Variants in LIFR observed in about 807,000 individuals in gnomAD.
The protein encoded by LIFR is leukemia inhibitory factor receptor.
In LIFR, 84 loss-of-function variants were observed where a neutral mutation model predicts 122.2. That is an observed-to-expected ratio of 0.69 (90% CI 0.58 to 0.82). LIFR has a LOEUF of 0.82. Among genes scored for constraint, LIFR ranks in the 40% least tolerant of loss-of-function variants. LIFR has a pLI of 0.00. For synonymous variants in LIFR, 422 were observed against 434.7 expected, an observed-to-expected ratio of 0.97 and a Z score of 0.36; for missense variants, 1,294 against 1,311.6, an observed-to-expected ratio of 0.99 and a Z score of 0.21.
chr5:38,555,327 C>T (rs1748459593), intron 1 of LIFR, among the ~76,000 whole-genome samples: 1 of 152,192 alleles, frequency 6.6e-6, no homozygotes, highest in African/African-American at 2.4e-5. Context: ...AAGTAGCATT[C>T]GCGCTGAAAA....
chr5:38,512,362 T>C (rs886588312), intron 5 of LIFR, among the ~76,000 whole-genome samples: 3 of 151,954 alleles, frequency 2.0e-5, no homozygotes, highest in Admixed American at 6.6e-5. Flanking sequence ...ACACCTGTAA[T>C]TTACCCAGCA....
intron 1 of LIFR, among the ~76,000 whole-genome samples, chr5:38,549,145 T>C (rs1448197304): frequency 6.6e-6 from 1 of 151,786 alleles, no homozygotes; most frequent in African/African-American, 2.4e-5. Flanking sequence ...TCCAGGAAAG[T>C]AAAAAGAATA....
intron 4 of LIFR, among the ~76,000 whole-genome samples, chr5:38,524,531 T>A (rs1380567877): frequency 1.3e-5 from 2 of 152,132 alleles, no homozygotes; most frequent in South Asian, 2.1e-4. Flanking sequence ...ATCAAAGAAA[T>A]AAACGGTTGG....
At chr5:38,539,078 A>G (rs543534732) in intron 1 of LIFR, among the ~76,000 whole-genome samples, 229 of 152,108 alleles carry the variant, frequency 1.5e-3, no homozygotes, top group African/African-American at 5.1e-3. Context: ...CTCCTGCCTC[A>G]GCCTCCCGAG....
chr5:38,485,296 G>A lies in LIFR; in HGVS notation c.2498-428C>T, dbSNP rs1744223973. Among the ~76,000 whole-genome samples the A allele has an allele frequency of 3.9e-5, 6 of 152,250 alleles. No homozygotes were observed. In the South Asian group the frequency reaches 1.0e-3, roughly 26 times the overall value. ...CTCCGTTGAGAATCACTGCTTTATA[G>A]AACCATATCCTCATGGCTCTTTATA... is the stretch of plus-strand genomic sequence containing the variant. On this transcript the variant is annotated intron_variant, in intron 17 of 19. Coordinates refer to ENST00000453190, the MANE Select transcript of LIFR (RefSeq NM_001127671.2).
At position 38,474,969 on chromosome 5, in the gene LIFR, G is replaced by A. The variant is rs1445886069; in HGVS notation, c.*6626C>T. 1 of 165,234 alleles carries A rather than the reference G, an allele frequency of 6.1e-6. No individual in the cohort carries two copies. 10.2% of individuals were successfully genotyped at this position (165,234 alleles called of 1,614,324 possible). On this transcript the variant is annotated 3_prime_UTR_variant, in exon 20 of 20. Transcript: ENST00000453190. ...ATGCCCAAGTCTGTCAGTGTAAGAT[G>A]TAAGAAAATATATTTATTTTTTCCA...
intron 1 of LIFR, among the ~76,000 whole-genome samples, chr5:38,569,618 T>A (rs1749144284): frequency 1.3e-5 from 2 of 152,148 alleles, no homozygotes; most frequent in Non-Finnish European, 2.9e-5. Flanking sequence ...CCCCAGTCCG[T>A]GGAGACATTT....
intron 1 of LIFR, among the ~76,000 whole-genome samples, chr5:38,592,424 G>C (rs1749950368): frequency 6.6e-6 from 1 of 152,156 alleles, no homozygotes; most frequent in South Asian, 2.1e-4. Flanking sequence ...TTGGGAGCCT[G>C]AGGTGGGCAG....
intron 1 of LIFR, among the ~76,000 whole-genome samples, chr5:38,580,011 A>T (rs1749529909): frequency 6.6e-6 from 1 of 152,188 alleles, no homozygotes; most frequent in African/African-American, 2.4e-5. Context: ...CTATGTTTGG[A>T]ATTAGGCAAT....
intron 5 of LIFR, among the ~76,000 whole-genome samples, chr5:38,519,448 T>C (rs12054719): frequency 0.31 from 46,602 of 152,068 alleles, 7,435 homozygotes; most frequent in East Asian, 0.42. Flanking sequence ...ATGAGTATTA[T>C]CATTTCTGTG....
At chr5:38,493,925 G>A in intron 13 of LIFR, 140 bp from the exon 14 acceptor site, 1 of 717,930 alleles carries the variant, frequency 1.4e-6, no homozygotes, top group South Asian at 1.7e-5. Flanking sequence ...TAAACCTAGA[G>A]CAAAGATTAG....
intron 1 of LIFR, among the ~76,000 whole-genome samples, chr5:38,571,100 A>T (rs554696473): frequency 6.6e-6 from 1 of 152,312 alleles, no homozygotes; most frequent in African/African-American, 2.4e-5. Flanking sequence ...AAATTTAAGC[A>T]ACTTCAAAAT....
Position 38,506,066 on chromosome 5 carries a change from C to A in LIFR, c.1130G>T (p.Gly377Val). The change falls in exon 9 of 20, where the codon GGA (glycine) becomes GTA (valine). Residue 377 changes from glycine (G) to valine (V), a missense_variant. By Grantham distance (109) the Gly-to-Val change is moderately radical. Coordinates refer to ENST00000453190, the MANE Select transcript of LIFR (RefSeq NM_001127671.2). ...AGCTCTTTTAAGTCTAACATATTTT[C>A]CTGAAAAACTGTTAATTAACAGAAA... is the stretch of plus-strand genomic sequence containing the variant. ...TSYTLVESFS[G>V]KYVRLKRAEA... is the part of the protein sequence containing the mutation. 1 of 1,589,404 alleles carries A rather than the reference C, an allele frequency of 6.3e-7. No homozygotes were observed. The highest frequency in any genetic ancestry group is 1.1e-5 in the South Asian group (1 of 87,770).
chr5:38,607,767 C>G (rs1172882256), intron 1 of LIFR: 1 of 152,198 alleles, frequency 6.6e-6, no homozygotes. Flanking sequence ...AACTTTCTCT[C>G]AATTTCAGTG....
chr5:38,488,600 T>G lies in LIFR; in HGVS notation c.2335+478A>C, dbSNP rs1399335764. On this transcript the variant is annotated intron_variant, in intron 16 of 19. Transcript: ENST00000453190. Reference sequence around the variant, plus strand: ...AGGATTGTCTGTACTTTTTAATACATCCCCAATCAAGTCAATTAAGTTTTC... The same window carrying G: ...AGGATTGTCTGTACTTTTTAATACAGCCCCAATCAAGTCAATTAAGTTTTC... 1.4e-4 allele frequency among the ~76,000 whole-genome samples: 22 copies of G among 152,202 alleles called. 1 individual carries two copies. The highest frequency in any genetic ancestry group is 1.4e-3 in the Admixed American group (22 of 15,286).
chr5:38,480,138 AC>A lies in LIFR; in HGVS notation c.*1456del, dbSNP rs940460046. The A allele has an allele frequency of 4.4e-6, 1 of 228,920 alleles. No homozygotes were observed. The highest frequency in any genetic ancestry group is 8.7e-6 in the Non-Finnish European group (1 of 115,584). 14.2% of individuals were successfully genotyped at this position (228,920 alleles called of 1,614,324 possible). A position where few individuals can be genotyped will look rare whatever the true frequency, so the allele number is the denominator to read the frequency against. On this transcript the variant is annotated 3_prime_UTR_variant, in exon 20 of 20. Coordinates refer to ENST00000453190, the MANE Select transcript of LIFR (RefSeq NM_001127671.2). ...AAAAACAAACAAACAACCAAAAAAA[AC>A]AAACAAAAAAGACATATCTTATTCG...
intron 1 of LIFR, among the ~76,000 whole-genome samples, chr5:38,547,627 C>T (rs930982640): frequency 2.6e-5 from 4 of 152,108 alleles, no homozygotes; most frequent in South Asian, 4.1e-4. Flanking sequence ...AAAAAAGTCC[C>T]TACATAAAAC....
At chr5:38,508,834 T>G (rs532581689) in intron 7 of LIFR, among the ~76,000 whole-genome samples, 1 of 152,278 alleles carries the variant, frequency 6.6e-6, no homozygotes, top group African/African-American at 2.4e-5. Context: ...TCCGCCCGCC[T>G]CAGCCTCCCA....
At chr5:38,607,036 C>A (rs995863781) in intron 1 of LIFR, among the ~76,000 whole-genome samples, 3 of 152,154 alleles carry the variant, frequency 2.0e-5, no homozygotes, top group Non-Finnish European at 4.4e-5. Context: ...CCCACTAGTT[C>A]CTAAAGTCTT....
Sources: gnomAD v4.1 joint callset for allele counts (sites outside exome capture counted in the v4.1 genomes callset) on GRCh38, gnomAD v4.1.1 for gene constraint, MANE v1.5 for transcripts, NCBI Gene and HGNC (gene_info 2026-07-23, HGNC 2026-07-21) for gene names.